Variants in LNX1 observed in about 807,000 individuals in gnomAD.
The protein encoded by LNX1 is E3 ubiquitin-protein ligase LNX.
Under a neutral mutation model 68.4 loss-of-function variants are expected in LNX1, and 54 were observed. The observed-to-expected ratio is 0.79, with a 90% confidence interval of 0.63 to 0.99. The LOEUF (loss-of-function observed/expected upper bound fraction) is 0.99. LNX1 is among the 50% of genes least tolerant of loss of function. The pLI, the probability that LNX1 is intolerant of heterozygous loss-of-function variation, is 0.00. For missense variants in LNX1, 906 were observed against 926.4 expected (o/e 0.98, Z 0.29); for synonymous variants, 336 against 350.0 (o/e 0.96, Z 0.45).
chr4:53,605,080 A>T, intron 2 of LNX1, among the ~76,000 whole-genome samples: 1 of 152,180 alleles, frequency 6.6e-6, no homozygotes, highest in South Asian at 2.1e-4. Context: ...TAGAACTGGC[A>T]TAGCACCACT....
At chr4:53,589,170 G>A (rs371436665) in intron 1 of LNX1, among the ~76,000 whole-genome samples, 2 of 152,276 alleles carry the variant, frequency 1.3e-5, no homozygotes, top group African/African-American at 2.4e-5. Flanking sequence ...CATTTCCCCC[G>A]AAAGGCCCAT....
chr4:53,615,224 C>T (rs1177925248), intron 2 of LNX1, among the ~76,000 whole-genome samples: 1 of 152,142 alleles, frequency 6.6e-6, no homozygotes, highest in Non-Finnish European at 1.5e-5. Flanking sequence ...GTAAGCCATT[C>T]GCTTTTAGGG....
chr4:53,599,806 C>T (rs1439722919), intron 2 of LNX1, among the ~76,000 whole-genome samples: 1 of 152,180 alleles, frequency 6.6e-6, no homozygotes, highest in African/African-American at 2.4e-5. Flanking sequence ...ACCTATACCT[C>T]TTATAGCTTT....
intron 2 of LNX1, among the ~76,000 whole-genome samples, chr4:53,543,603 T>A (rs1385407944): frequency 6.6e-6 from 1 of 152,172 alleles, no homozygotes; most frequent in East Asian, 1.9e-4. Flanking sequence ...TTGCTCAATT[T>A]TTTTTTTCAG....
chr4:53,568,788 T>C (rs969783503), intron 2 of LNX1, among the ~76,000 whole-genome samples: 4 of 152,048 alleles, frequency 2.6e-5, no homozygotes, highest in African/African-American at 4.8e-5. Context: ...AAAATCTCCT[T>C]AAGCTGATAA....
intron 2 of LNX1, among the ~76,000 whole-genome samples, chr4:53,604,577 A>G (rs1179089667): frequency 2.0e-5 from 3 of 152,240 alleles, no homozygotes; most frequent in Non-Finnish European, 2.9e-5. Context: ...CATTCAGGCC[A>G]GGTTTAACTA....
At chr4:53,529,571 C>T (rs1727875041) in intron 2 of LNX1, among the ~76,000 whole-genome samples, 1 of 152,196 alleles carries the variant, frequency 6.6e-6, no homozygotes, top group South Asian at 2.1e-4. Flanking sequence ...CCCAGTAAAA[C>T]ATGAAGCTCT....
chr4:53,558,884 C>T lies in LNX1; in HGVS notation c.380+14739G>A, dbSNP rs1381407237. The stretch of plus-strand genomic sequence containing the variant: ...TGGTCTGTCAGGGACTGGGCCACAT[C>T]CCCTCTTCCAGCTTTAAGATCTGGG... On this transcript the variant is annotated intron_variant, in intron 2 of 10. Transcript: ENST00000263925. Among the ~76,000 whole-genome samples the T allele has an allele frequency of 2.6e-5, 4 of 152,182 alleles. No homozygotes were observed. In the East Asian group the frequency reaches 7.7e-4, roughly 29 times the overall value.
rs1304847542 is a variant in LNX1 at position 53,461,432 on chromosome 4, T to TA, written c.2051+2dup. 2 of 1,600,852 alleles carry TA rather than the reference T, an allele frequency of 1.2e-6. No individual in the cohort carries two copies. The highest frequency in any genetic ancestry group is 3.4e-5 in the Admixed American group (2 of 57,976). ...AGTATTTTTGATTAGTCATTATTAT[T>TA]ACCTAATTCTTCCATCATTGTATGC... On this transcript the variant is annotated splice_region_variant and intron_variant, in intron 10 of 10. Transcript: ENST00000263925.
At chr4:53,495,982 C>A (rs934947627) in intron 6 of LNX1, 41 bp downstream of exon 6, 2 of 1,581,908 alleles carry the variant, frequency 1.3e-6, no homozygotes, top group Non-Finnish European at 1.7e-6. Context: ...TGCTCATGTC[C>A]GGGGTTTCTG....
At chr4:53,536,326 C>A (rs1181497117) in intron 2 of LNX1, among the ~76,000 whole-genome samples, 1 of 49,022 alleles carries the variant, frequency 2.0e-5, no homozygotes, top group African/African-American at 5.3e-5. Flanking sequence ...GATTCTCACT[C>A]CACATCTTCA....
intron 5 of LNX1, among the ~76,000 whole-genome samples, chr4:53,498,354 A>C (rs1457587037): frequency 6.6e-6 from 1 of 152,178 alleles, no homozygotes; most frequent in Non-Finnish European, 1.5e-5. Flanking sequence ...GGAAGATTGA[A>C]AAAGCTAGAA....
chr4:53,537,661 G>A (rs148215116), intron 2 of LNX1, among the ~76,000 whole-genome samples: 5 of 152,280 alleles, frequency 3.3e-5, no homozygotes, highest in South Asian at 2.1e-4. Flanking sequence ...ACTGCCAGGA[G>A]CCCCACACAG....
intron 2 of LNX1, among the ~76,000 whole-genome samples, chr4:53,548,816 T>C (rs1318252835): frequency 6.6e-6 from 1 of 152,168 alleles, no homozygotes; most frequent in East Asian, 1.9e-4. Flanking sequence ...AAATGTGGTA[T>C]AGATATACCA....
chr4:53,502,965 C>A (rs1350275743), intron 4 of LNX1, among the ~76,000 whole-genome samples: 1 of 148,070 alleles, frequency 6.8e-6, no homozygotes, highest in African/African-American at 2.5e-5. Context: ...GAATCTTGCT[C>A]TGTTGCCCAG....
intron 1 of LNX1, among the ~76,000 whole-genome samples, chr4:53,647,381 T>TCTCTCTTTTTCTCC (rs1469245421): frequency 1.3e-5 from 2 of 152,354 alleles, no homozygotes; most frequent in African/African-American, 2.4e-5. Context: ...GCAATCTCTC[T>TCTCTCTTTTTCTCC]CTCTCTTTTT....
At chr4:53,554,617 G>T (rs1191526613) in intron 2 of LNX1, among the ~76,000 whole-genome samples, 1 of 152,192 alleles carries the variant, frequency 6.6e-6, no homozygotes, top group Non-Finnish European at 1.5e-5. Flanking sequence ...ACTTTGGGAG[G>T]CCAAGGTGGG....
At chr4:53,470,693 T>C (rs188252163) in intron 9 of LNX1, among the ~76,000 whole-genome samples, 1,596 of 152,156 alleles carry the variant, frequency 0.01, 13 homozygotes, top group Non-Finnish European at 0.018. Flanking sequence ...TATACACCAA[T>C]AACAGACAAA....
intron 2 of LNX1, among the ~76,000 whole-genome samples, chr4:53,548,007 A>T (rs1243791768): frequency 6.6e-6 from 1 of 151,806 alleles, no homozygotes; most frequent in Non-Finnish European, 1.5e-5. Context: ...ATAAACCTGG[A>T]TCCTCCAGTT....
Sources: allele counts gnomAD v4.1 joint callset (sites outside exome capture counted in the v4.1 genomes callset), GRCh38; gene constraint gnomAD v4.1.1; transcripts MANE v1.5; gene names NCBI Gene and HGNC (gene_info 2026-07-23, HGNC 2026-07-21).